Variants in DLG2 observed in about 807,000 individuals in gnomAD.
DLG2 encodes discs large MAGUK scaffold protein 2.
A neutral mutation model predicts 132.5 loss-of-function variants in DLG2; 45 were observed. That is an observed-to-expected ratio of 0.34 (90% CI 0.27 to 0.44). The LOEUF is 0.44. Among genes scored for constraint, DLG2 ranks in the 20% least tolerant of loss-of-function variants. DLG2 has a pLI of 1.00. For missense variants in DLG2, 1,045 were observed against 1,196.9 expected, an observed-to-expected ratio of 0.87 and a Z score of 1.87; for synonymous variants, 424 against 419.6, an observed-to-expected ratio of 1.01 and a Z score of -0.13.
At chr11:83,641,768 A>C (rs1163889148) in intron 18 of DLG2, among the ~76,000 whole-genome samples, 1 of 152,056 alleles carries the variant, frequency 6.6e-6, no homozygotes, top group Non-Finnish European at 1.5e-5. Flanking sequence ...TCATCTCTCA[A>C]GTTGCCAACC....
At chr11:83,576,060 A>T (rs927618108) in intron 19 of DLG2, among the ~76,000 whole-genome samples, 1 of 152,046 alleles carries the variant, frequency 6.6e-6, no homozygotes, top group Non-Finnish European at 1.5e-5. Flanking sequence ...TGAAACATAT[A>T]AAAAAAATCC....
At chr11:85,277,738 C>A (rs1190346893) in intron 4 of DLG2, among the ~76,000 whole-genome samples, 3 of 152,124 alleles carry the variant, frequency 2.0e-5, no homozygotes, top group Non-Finnish European at 4.4e-5. Flanking sequence ...CTTTATAAAT[C>A]AAGTTACTAC....
At chr11:83,898,372 G>C (rs1749280690) in intron 15 of DLG2, among the ~76,000 whole-genome samples, 1 of 151,936 alleles carries the variant, frequency 6.6e-6, no homozygotes, top group Non-Finnish European at 1.5e-5. Context: ...ATGCTAGGGA[G>C]CTTTAGTTAA....
At chr11:83,688,656 T>G (rs911617892) in intron 18 of DLG2, among the ~76,000 whole-genome samples, 7 of 152,202 alleles carry the variant, frequency 4.6e-5, no homozygotes, top group African/African-American at 1.7e-4. Flanking sequence ...CATAAGTATA[T>G]ATAGAAATTA....
At chr11:83,490,422 A>G (rs2093773678) in intron 21 of DLG2, among the ~76,000 whole-genome samples, 1 of 152,032 alleles carries the variant, frequency 6.6e-6, no homozygotes, top group Admixed American at 6.6e-5. Flanking sequence ...TCTTTAGAGT[A>G]TGACTAATAA....
intron 6 of DLG2, among the ~76,000 whole-genome samples, chr11:85,106,332 C>G (rs573531004): frequency 6.6e-6 from 1 of 152,084 alleles, no homozygotes; most frequent in African/African-American, 2.4e-5. Flanking sequence ...ATCAATAGCG[C>G]TCATTAATAT....
intron 7 of DLG2, among the ~76,000 whole-genome samples, chr11:84,501,714 C>G (rs1007465020): frequency 4.0e-5 from 6 of 151,876 alleles, no homozygotes; most frequent in Non-Finnish European, 5.9e-5. Flanking sequence ...AGATTATTCT[C>G]TATAATGAAA....
chr11:85,173,626 A>T (rs990970523), intron 4 of DLG2, among the ~76,000 whole-genome samples: 1 of 152,190 alleles, frequency 6.6e-6, no homozygotes, highest in Non-Finnish European at 1.5e-5. Flanking sequence ...CACACATAAC[A>T]ATAGTAACCT....
At chr11:84,550,814 A>G (rs1418095677) in intron 6 of DLG2, among the ~76,000 whole-genome samples, 1 of 152,204 alleles carries the variant, frequency 6.6e-6, no homozygotes, top group African/African-American at 2.4e-5. Context: ...AGTGCTAGAA[A>G]TACAGTAGTT....
chr11:84,395,777 G>A (rs1567519411), intron 7 of DLG2, among the ~76,000 whole-genome samples: 2 of 152,318 alleles, frequency 1.3e-5, no homozygotes, highest in Non-Finnish European at 1.5e-5. Context: ...AGCATACAAT[G>A]TTGTCAATTT....
chr11:84,583,516 T>C (rs2099521617), intron 6 of DLG2, among the ~76,000 whole-genome samples: 1 of 152,202 alleles, frequency 6.6e-6, no homozygotes, highest in Non-Finnish European at 1.5e-5. Flanking sequence ...CAAACCCTAA[T>C]GTTATGTTTT....
intron 6 of DLG2, among the ~76,000 whole-genome samples, chr11:85,003,645 CT>C (rs968383549): frequency 6.6e-6 from 1 of 152,044 alleles, no homozygotes; most frequent in African/African-American, 2.4e-5. Context: ...ATGAGACCTT[CT>C]TTTGTTCAAC....
intron 9 of DLG2, among the ~76,000 whole-genome samples, chr11:84,126,543 A>C (rs1010976776): frequency 1.4e-4 from 21 of 152,338 alleles, no homozygotes; most frequent in African/African-American, 5.0e-4. Context: ...AAAGATTTTA[A>C]AACTCAATAA....
At chr11:84,532,509 T>C (rs1012754052) in intron 7 of DLG2, among the ~76,000 whole-genome samples, 28 of 152,086 alleles carry the variant, frequency 1.8e-4, no homozygotes, top group African/African-American at 6.3e-4. Flanking sequence ...TTGGGGGTTG[T>C]GGCATGGACA....
At chr11:85,454,933 T>C (rs1458354143) in intron 3 of DLG2, among the ~76,000 whole-genome samples, 1 of 152,194 alleles carries the variant, frequency 6.6e-6, no homozygotes, top group Non-Finnish European at 1.5e-5. Context: ...AGCCTTGTAG[T>C]ATACTTTGAA....
intron 6 of DLG2, among the ~76,000 whole-genome samples, chr11:84,557,824 G>T (rs551572161): frequency 6.6e-6 from 1 of 152,044 alleles, no homozygotes; most frequent in East Asian, 1.9e-4. Flanking sequence ...GGAGTTCTGG[G>T]TCTTAGACTA....
At chr11:83,545,061 C>A (rs1384763414) in intron 19 of DLG2, among the ~76,000 whole-genome samples, 1 of 152,120 alleles carries the variant, frequency 6.6e-6, no homozygotes, top group Non-Finnish European at 1.5e-5. Context: ...TGACTCCAGG[C>A]TCCTTCTGGA....
At chr11:84,530,816 A>T (rs1251744953) in intron 7 of DLG2, among the ~76,000 whole-genome samples, 1 of 152,230 alleles carries the variant, frequency 6.6e-6, no homozygotes, top group Non-Finnish European at 1.5e-5. Context: ...GTTAAGACAC[A>T]CGCAAAGGTA....
chr11:85,426,013 C>T (rs948879694), intron 3 of DLG2, among the ~76,000 whole-genome samples: 1 of 152,198 alleles, frequency 6.6e-6, no homozygotes, highest in African/African-American at 2.4e-5. Context: ...TTCGGAGGGT[C>T]CTACCCCCAT....
Sources: allele counts gnomAD v4.1 joint callset (sites outside exome capture counted in the v4.1 genomes callset), GRCh38; gene constraint gnomAD v4.1.1; transcripts MANE v1.5; gene names NCBI Gene and HGNC (gene_info 2026-07-23, HGNC 2026-07-21).